The following NUP155 variants were observed in gnomAD, a reference collection of about 807,000 sequenced individuals.
The protein encoded by NUP155 is nuclear pore complex protein Nup155.
A neutral mutation model predicts 180.4 loss-of-function variants in NUP155; 71 were observed. That is an observed-to-expected ratio of 0.39 (90% CI 0.33 to 0.48). The LOEUF (loss-of-function observed/expected upper bound fraction) is 0.48. Ranked by LOEUF, NUP155 falls within the 20% of genes least tolerant of loss-of-function variation. NUP155 has a pLI of 0.91. For synonymous variants in NUP155, 582 were observed against 559.5 expected, an observed-to-expected ratio of 1.04 and a Z score of -0.57; for missense variants, 1,553 against 1,648.9, an observed-to-expected ratio of 0.94 and a Z score of 1.01.
At chr5:37,318,711 A>G (rs1371012554) in intron 20 of NUP155, among the ~76,000 whole-genome samples, 1 of 152,208 alleles carries the variant, frequency 6.6e-6, no homozygotes, top group African/African-American at 2.4e-5. Context: ...ATCACAATAC[A>G]TAAAAAACGA....
intron 9 of NUP155, among the ~76,000 whole-genome samples, chr5:37,346,469 C>T (rs921315083): frequency 1.3e-5 from 2 of 151,880 alleles, no homozygotes; most frequent in South Asian, 2.1e-4. Flanking sequence ...GTCAGGAGGT[C>T]GAGACCAGCC....
In NUP155 at chr5:37,341,160, T is replaced by G. The variant is rs1745693116; in HGVS notation, c.1176A>C (p.Leu392Phe). The change falls in exon 11 of 35, where the codon TTA becomes TTC. Residue 392 changes from leucine to phenylalanine, a missense_variant. By Grantham distance (22) the Leu-to-Phe change is conservative (BLOSUM62 0). Transcript: ENST00000231498. The stretch of plus-strand genomic sequence containing the variant: ...TTGAAGATGCTGAGAATCCAGGAGG[T>G]AAGCGGACATGAACCAGCGTCAGTG... ...PNTLTLVHVR[L>F]PPGFSASSTV... 6.2e-7 allele frequency: 1 copy of G among 1,613,894 alleles called. No homozygotes were observed. Among genetic ancestry groups the G allele is most frequent in the Non-Finnish European group, 8.5e-7 (1 of 1,179,846 alleles).
At chr5:37,328,243 A>G (rs1245719804) in intron 17 of NUP155, 115 bp downstream of exon 17, 2 of 840,020 alleles carry the variant, frequency 2.4e-6, no homozygotes, top group African/African-American at 1.7e-5. Flanking sequence ...TTCTAAAATT[A>G]TATTTATTTT....
chr5:37,370,142 G>A (rs1449716344), intron 1 of NUP155, among the ~76,000 whole-genome samples: 1 of 152,162 alleles, frequency 6.6e-6, no homozygotes, highest in Non-Finnish European at 1.5e-5. Context: ...AGGCCGAGGC[G>A]GGCGGATCAC....
intron 4 of NUP155, among the ~76,000 whole-genome samples, chr5:37,355,526 T>A (rs967471347): frequency 6.7e-6 from 1 of 148,734 alleles, no homozygotes; most frequent in African/African-American, 2.5e-5. Context: ...AAAAGTACGG[T>A]TAAAGAATGT....
At chr5:37,318,144 T>C (rs1744021840) in intron 20 of NUP155, 59 bp from the exon 21 acceptor site, 3 of 931,674 alleles carry the variant, frequency 3.2e-6, no homozygotes, top group Admixed American at 1.7e-5. Context: ...ATATAACACA[T>C]ACAGTACAAT....
intron 29 of NUP155, among the ~76,000 whole-genome samples, chr5:37,302,364 C>G (rs1348136068): frequency 6.6e-6 from 1 of 152,188 alleles, no homozygotes; most frequent in Non-Finnish European, 1.5e-5. Flanking sequence ...TCCCAAGTAG[C>G]TGGGACTACA....
intron 15 of NUP155, 111 bp downstream of exon 15, chr5:37,329,927 G>T: frequency 1.3e-6 from 1 of 754,510 alleles, no homozygotes; most frequent in South Asian, 1.5e-5. Context: ...TTGGTAATTT[G>T]CCTACATAGT....
chr5:37,361,285 A>AAAAAAAAAAAAAAAG (rs397997410), intron 3 of NUP155, among the ~76,000 whole-genome samples: 2 of 141,470 alleles, frequency 1.4e-5, no homozygotes, highest in African/African-American at 6.1e-5. Context: ...AAAAAAAAAA[A>AAAAAAAAAAAAAAAG]GACAATGGCT....
At position 37,307,322 on chromosome 5, in the gene NUP155, C is replaced by A. The variant is rs748416533; in HGVS notation, c.2878G>T (p.Val960Phe). 1 of 1,613,922 alleles carries A rather than the reference C, an allele frequency of 6.2e-7. No individual in the cohort carries two copies. Among genetic ancestry groups the A allele is most frequent in the Admixed American group, 1.7e-5 (1 of 59,996 alleles). ...YKHGEPEEDI[V>F]GLQAFQERLN... is the part of the protein sequence containing the mutation. ...CTTTCTTGGAAGGCCTGAAGTCCAA[C>A]TATGTCTTCTTCTGGTTCTCCATGT... Residue 960 changes from valine (V) to phenylalanine (F), a missense_variant, in exon 25 of 35, where the codon GTT (valine) becomes TTT (phenylalanine). Coordinates refer to ENST00000231498, the MANE Select transcript of NUP155 (RefSeq NM_153485.3).
chr5:37,309,002 C>T lies in NUP155; in HGVS notation c.2767+127G>A, dbSNP rs77005988. ...TACCACATTCCTACGTCCTTTCACTCGGCCTCTGATGCTGAAAGAAGATTT... is the reference window on the plus strand; with the variant it reads ...TACCACATTCCTACGTCCTTTCACTTGGCCTCTGATGCTGAAAGAAGATTT... On this transcript the variant is annotated intron_variant, in intron 24 of 34. Transcript: ENST00000231498. 69,935 of 881,776 alleles carry T rather than the reference C, an allele frequency of 0.079. 3,174 individuals carry two copies. Among genetic ancestry groups the T allele is most frequent in the South Asian group, 0.13 (9,014 of 68,604 alleles). 54.6% of individuals were successfully genotyped at this position (881,776 alleles called of 1,614,324 possible).
chr5:37,325,491 G>A (rs1046125923), intron 19 of NUP155, among the ~76,000 whole-genome samples: 3 of 152,110 alleles, frequency 2.0e-5, no homozygotes, highest in Non-Finnish European at 4.4e-5. Context: ...TAACCCGCCA[G>A]GCGCTGAGGC....
At chr5:37,370,714 A>G (rs918015940) in intron 1 of NUP155, 107 bp downstream of exon 1, 3 of 1,611,386 alleles carry the variant, frequency 1.9e-6, no homozygotes, top group African/African-American at 2.7e-5. Context: ...CAACAGTGCC[A>G]TAAATCTCAG....
chr5:37,314,427 C>A (rs911156130), intron 21 of NUP155, 99 bp from the exon 22 acceptor site: 9 of 885,596 alleles, frequency 1.0e-5, no homozygotes, highest in African/African-American at 6.8e-5. Flanking sequence ...CTGTTGTTTT[C>A]TTCCTAGCCC....
At chr5:37,332,214 C>G (rs897240190) in intron 13 of NUP155, among the ~76,000 whole-genome samples, 6 of 145,564 alleles carry the variant, frequency 4.1e-5, no homozygotes, top group African/African-American at 1.5e-4. Context: ...TACCTTATAC[C>G]AGAGTAAATT....
chr5:37,292,285 G>A (rs999813853), intron 34 of NUP155, among the ~76,000 whole-genome samples: 11 of 151,100 alleles, frequency 7.3e-5, no homozygotes, highest in Non-Finnish European at 1.6e-4. Context: ...GCGCCATCTC[G>A]GCTCACTGCA....
chr5:37,302,669 GAAT>G, intron 29 of NUP155, 107 bp downstream of exon 29: 1 of 1,085,408 alleles, frequency 9.2e-7, no homozygotes, highest in Non-Finnish European at 1.4e-6. Context: ...AAAGCAACTA[GAAT>G]AATAATGACT....
At chr5:37,318,163 T>G (rs1461379261) in intron 20 of NUP155, 78 bp from the exon 21 acceptor site, 2 of 893,036 alleles carry the variant, frequency 2.2e-6, no homozygotes, top group African/African-American at 1.6e-5. Flanking sequence ...ATTCAAACAT[T>G]TAATATGTTT....
intron 17 of NUP155, 42 bp from the exon 18 acceptor site, chr5:37,327,818 T>C (rs1425324166): frequency 1.3e-6 from 2 of 1,596,008 alleles, no homozygotes; most frequent in African/African-American, 2.7e-5. Context: ...AATCTTAATC[T>C]TAGAACCCAT....
Sources: gnomAD v4.1 joint callset for allele counts (sites outside exome capture counted in the v4.1 genomes callset) on GRCh38, gnomAD v4.1.1 for gene constraint, MANE v1.5 for transcripts, NCBI Gene and HGNC (gene_info 2026-07-23, HGNC 2026-07-21) for gene names.